DLC1: variants seen among roughly 807,000 people sequenced by gnomAD.
The protein encoded by DLC1 is rho GTPase-activating protein 7.
A neutral mutation model predicts 140.3 loss-of-function variants in DLC1; 54 were observed. That is an observed-to-expected ratio of 0.38 (90% CI 0.31 to 0.48). DLC1 has a LOEUF of 0.48. DLC1 is among the 20% of genes least tolerant of loss of function. The pLI is 0.96. For missense variants in DLC1, 2,536 were observed against 1,907.0 expected (o/e 1.33, Z -6.14); for synonymous variants, 986 against 728.1 (o/e 1.35, Z -5.70).
intron 3 of DLC1, among the ~76,000 whole-genome samples, chr8:13,396,905 C>T (rs1225381795): frequency 2.6e-5 from 4 of 152,142 alleles, no homozygotes; most frequent in Non-Finnish European, 5.9e-5. Context: ...CCTGGGTACT[C>T]ATTACAACTG....
chr8:13,455,753 G>A (rs1799356399), intron 2 of DLC1, among the ~76,000 whole-genome samples: 1 of 152,190 alleles, frequency 6.6e-6, no homozygotes, highest in African/African-American at 2.4e-5. Flanking sequence ...GCTCATGCAT[G>A]TAATCCCAGC....
At chr8:13,228,291 A>C (rs1828886989) in intron 5 of DLC1, among the ~76,000 whole-genome samples, 1 of 151,164 alleles carries the variant, frequency 6.6e-6, no homozygotes, top group African/African-American at 2.4e-5. Flanking sequence ...TTTCCCATTC[A>C]TAAAAAAAAA....
rs1804984164 is a variant in DLC1, at chr8:13,579,372, A to AATATATTATATTTTATAT, written c.-126+25164_-126+25165insATATAAAATATAATATAT. Among the ~76,000 whole-genome samples the AATATATTATATTTTATAT allele has an allele frequency of 3.5e-5, 2 of 56,380 alleles. 1 individual carries two copies. The highest frequency in any genetic ancestry group is 1.1e-3 in the South Asian group (2 of 1,810). 37.0% of individuals were successfully genotyped at this position (56,380 alleles called of 152,430 possible). On this transcript the variant is annotated intron_variant, in intron 1 of 1. Coordinates refer to the DLC1 transcript ENST00000631382. ...ATATATATATATATATTTTTATATA[A>AATATATTATATTTTATAT]TACATATTTATATATTATATATTAT...
intron 5 of DLC1, among the ~76,000 whole-genome samples, chr8:13,294,930 A>C (rs1831891828): frequency 6.6e-6 from 1 of 152,192 alleles, no homozygotes; most frequent in African/African-American, 2.4e-5. Flanking sequence ...TATGTCTATA[A>C]AGTGCTTGGA....
At chr8:13,147,291 T>A (rs547825312) in intron 5 of DLC1, among the ~76,000 whole-genome samples, 4 of 152,230 alleles carry the variant, frequency 2.6e-5, no homozygotes, top group Non-Finnish European at 5.9e-5. Flanking sequence ...GAATGATGAA[T>A]GAAGCACCAG....
intron 4 of DLC1, among the ~76,000 whole-genome samples, chr8:13,370,441 A>G (rs1835678114): frequency 6.6e-6 from 1 of 152,048 alleles, no homozygotes; most frequent in African/African-American, 2.4e-5. Flanking sequence ...TTGTGTGCTC[A>G]TCTCATGTCT....
At chr8:13,601,067 A>T (rs1805864077) in intron 1 of DLC1, among the ~76,000 whole-genome samples, 1 of 151,786 alleles carries the variant, frequency 6.6e-6, no homozygotes, top group Non-Finnish European at 1.5e-5. Context: ...CCAATCTCGT[A>T]AAGTCATATA....
At chr8:13,552,111 G>GTGTGTGTGTATATATATATATATA (rs1279225632) in intron 1 of DLC1, among the ~76,000 whole-genome samples, 5 of 54,534 alleles carry the variant, frequency 9.2e-5, no homozygotes, top group African/African-American at 3.8e-4. Flanking sequence ...GTCTAGAGGT[G>GTGTGTGTGTATATATATATATATA]TATATATATA....
intron 5 of DLC1, among the ~76,000 whole-genome samples, chr8:13,171,684 G>A (rs577039440): frequency 3.3e-5 from 5 of 152,224 alleles, no homozygotes; most frequent in South Asian, 2.1e-4. Context: ...CACCACGGCC[G>A]GCCCACACTT....
Position 13,083,793 on chromosome 8 carries a change from C to T in DLC1, c.*2018G>A, listed in dbSNP as rs1418758852. On this transcript the variant is annotated 3_prime_UTR_variant, in exon 18 of 18. Transcript: ENST00000276297. ...TGCAGTTTGGCCTTGGAATGATTTG[C>T]AGTCCGATTTTTCCTTCAGCAAATC... 6.6e-6 allele frequency: 1 copy of T among 152,638 alleles called. No individual in the cohort carries two copies. The highest frequency in any genetic ancestry group is 2.4e-5 in the African/African-American group (1 of 41,456). 9.5% of individuals were successfully genotyped at this position (152,638 alleles called of 1,614,324 possible).
Position 13,259,640 on chromosome 8 carries a change from G to C in DLC1, c.1348+45629C>G, listed in dbSNP as rs970669886. On this transcript the variant is annotated intron_variant, in intron 5 of 17. Transcript: ENST00000276297. ...TTCCACCTGCCCTACTTAAATTGTA[G>C]GCTTGGTTCTTCTGAGAAATGTAGA... Among the ~76,000 whole-genome samples, 24 of 151,856 alleles carry C rather than the reference G, an allele frequency of 1.6e-4. 1 individual carries two copies. Among genetic ancestry groups the C allele is most frequent in the Non-Finnish European group, 3.4e-4 (23 of 67,982 alleles).
intron 1 of DLC1, chr8:13,567,656 T>C: frequency 6.4e-7 from 1 of 1,551,820 alleles, no homozygotes. Context: ...AAGACTTTAC[T>C]GGAGTCATTT....
intron 7 of DLC1, among the ~76,000 whole-genome samples, chr8:13,105,484 C>T (rs2128942087): frequency 6.6e-6 from 1 of 152,054 alleles, no homozygotes; most frequent in South Asian, 2.1e-4. Flanking sequence ...CTAGATTTTA[C>T]AGATGAGGAA....
At chr8:13,575,163 G>A (rs1804793857) in intron 1 of DLC1, among the ~76,000 whole-genome samples, 1 of 152,116 alleles carries the variant, frequency 6.6e-6, no homozygotes, top group South Asian at 2.1e-4. Flanking sequence ...TTACATCAAA[G>A]TGTCTTATGC....
chr8:13,485,091 G>C (rs915485262), intron 2 of DLC1, among the ~76,000 whole-genome samples: 1 of 152,112 alleles, frequency 6.6e-6, no homozygotes, highest in African/African-American at 2.4e-5. Flanking sequence ...CCTTAAGTGT[G>C]GTGGCTATTT....
intron 2 of DLC1, among the ~76,000 whole-genome samples, chr8:13,479,312 C>T (rs1010458623): frequency 2.6e-5 from 4 of 152,122 alleles, no homozygotes; most frequent in Non-Finnish European, 4.4e-5. Flanking sequence ...GAAGACCAAG[C>T]TGCTGATCTG....
rs1282051678 is a variant in DLC1 at position 13,085,045 on chromosome 8, T to C, written c.*766A>G. 2.6e-5 allele frequency: 4 copies of C among 152,216 alleles called. No individual in the cohort carries two copies. The highest frequency in any genetic ancestry group is 2.9e-5 in the Non-Finnish European group (2 of 68,042). 9.4% of individuals were successfully genotyped at this position (152,216 alleles called of 1,614,324 possible). A position where few individuals can be genotyped will look rare whatever the true frequency, so the allele number is the denominator to read the frequency against. Reference sequence around the variant, plus strand: ...TGAACTAATCCATACTGGTTAAAACTACATCACTATTTGCAATCGGGTCTA... The same window carrying C: ...TGAACTAATCCATACTGGTTAAAACCACATCACTATTTGCAATCGGGTCTA... On this transcript the variant is annotated 3_prime_UTR_variant, in exon 18 of 18. Transcript: ENST00000276297.
intron 1 of DLC1, among the ~76,000 whole-genome samples, chr8:13,566,236 G>A (rs1232627011): frequency 6.6e-6 from 1 of 152,158 alleles, no homozygotes; most frequent in Non-Finnish European, 1.5e-5. Flanking sequence ...ACTCGGAGGA[G>A]GAGGATAAAT....
At chr8:13,088,080 G>A (rs1440388781) in intron 16 of DLC1, among the ~76,000 whole-genome samples, 1 of 152,140 alleles carries the variant, frequency 6.6e-6, no homozygotes, top group Non-Finnish European at 1.5e-5. Flanking sequence ...GGAAGCATAT[G>A]TTTTGTTTTG....
Sources: allele counts gnomAD v4.1 joint callset (sites outside exome capture counted in the v4.1 genomes callset), GRCh38; gene constraint gnomAD v4.1.1; transcripts MANE v1.5; gene names NCBI Gene and HGNC (gene_info 2026-07-23, HGNC 2026-07-21).